CFLAR: variants seen among roughly 807,000 people sequenced by gnomAD.
CFLAR encodes CASP8 and FADD like apoptosis regulator.
Under a neutral mutation model 51.1 loss-of-function variants are expected in CFLAR, and 14 were observed. The ratio of observed to expected loss-of-function variants is 0.27; its 90% CI spans 0.18 to 0.43. The LOEUF (loss-of-function observed/expected upper bound fraction) is 0.43, where lower values mean the gene tolerates loss of function less well. Among genes scored for constraint, CFLAR ranks in the 20% least tolerant of loss-of-function variants. The pLI is 1.00. For missense variants in CFLAR, 390 were observed against 566.5 expected (o/e 0.69, Z 3.16); for synonymous variants, 210 against 211.6 (o/e 0.99, Z 0.06).
At chr2:201,149,563 G>A (rs1940894921) in intron 7 of CFLAR, 191 bp from the exon 8 acceptor site, 3 of 482,852 alleles carry the variant, frequency 6.2e-6, no homozygotes, top group Admixed American at 3.6e-5. Flanking sequence ...TTTGTCTTAA[G>A]CACATTACCC....
rs930651110 is a variant in CFLAR at position 201,166,683 on chromosome 2, C to T, written c.*2710C>T. 8 of 174,588 alleles carry T rather than the reference C, an allele frequency of 4.6e-5. No individual in the cohort carries two copies. The highest frequency in any genetic ancestry group is 8.3e-5 in the Non-Finnish European group (7 of 84,410). 10.8% of individuals were successfully genotyped at this position (174,588 alleles called of 1,614,324 possible). A position where few individuals can be genotyped will look rare whatever the true frequency, so the allele number is the denominator to read the frequency against. The stretch of plus-strand genomic sequence containing the variant: ...GCACTCCAGCCTGGGCAACATTGAG[C>T]ACTGAGTGGACGAGACTCTGCCCGC... On this transcript the variant is annotated 3_prime_UTR_variant, in exon 10 of 10. Transcript: ENST00000309955.
At chr2:201,161,872 G>A (rs1262342061) in intron 9 of CFLAR, among the ~76,000 whole-genome samples, 4 of 149,228 alleles carry the variant, frequency 2.7e-5, no homozygotes, top group South Asian at 2.1e-4. Flanking sequence ...TCAGCTTCCC[G>A]AGTAGCTGGG....
At position 201,118,036 on chromosome 2, in the gene CFLAR, T is replaced by C. The variant is rs2047791804; in HGVS notation, c.-138+1555T>C. On this transcript the variant is annotated intron_variant, in intron 1 of 9. Coordinates refer to ENST00000309955, the MANE Select transcript of CFLAR (RefSeq NM_003879.7). The surrounding 1 kb of genome is among the most constrained non-coding windows in gnomAD (Gnocchi z 5.1). The stretch of plus-strand genomic sequence containing the variant: ...TCCCAAAGTGCTGGGATTACAGGCG[T>C]GAGCCACCATGCCCGGCCCAACTCC... Among the ~76,000 whole-genome samples, 1 of 152,172 alleles carries C rather than the reference T, an allele frequency of 6.6e-6. No homozygotes were observed. Among genetic ancestry groups the C allele is most frequent in the African/African-American group, 2.4e-5 (1 of 41,440 alleles).
At chr2:201,140,606 A>G (rs1010925135) in intron 5 of CFLAR, 167 bp downstream of exon 5, 2 of 561,318 alleles carry the variant, frequency 3.6e-6, no homozygotes, top group Non-Finnish European at 6.2e-6. Context: ...CAAAGCTAAT[A>G]CATGTTCATT....
At chr2:201,159,459 G>A (rs1459010191) in intron 8 of CFLAR, among the ~76,000 whole-genome samples, 1 of 151,812 alleles carries the variant, frequency 6.6e-6, no homozygotes, top group Non-Finnish European at 1.5e-5. Flanking sequence ...ACAGGTGCGT[G>A]CCACTACACC....
intron 1 of CFLAR, among the ~76,000 whole-genome samples, chr2:201,125,470 A>G (rs2125629396): frequency 6.6e-6 from 1 of 151,986 alleles, no homozygotes; most frequent in Non-Finnish European, 1.5e-5. Context: ...CCGTCTCTGG[A>G]GGTAGAGAGG....
rs1034346773 is a variant in CFLAR, at chr2:201,173,568, C to G, written c.*9595C>G. On this transcript the variant is annotated 3_prime_UTR_variant, in exon 10 of 10. Coordinates refer to ENST00000309955, the MANE Select transcript of CFLAR (RefSeq NM_003879.7). ...TGTTGGCCAGGCTGGTCTCGAACTC[C>G]TGGCCTCAGGTGATCTGACTGCCTT... The G allele has an allele frequency of 1.3e-5, 2 of 152,220 alleles. No homozygotes were observed. The highest frequency in any genetic ancestry group is 4.8e-5 in the African/African-American group (2 of 41,426). 9.4% of individuals were successfully genotyped at this position (152,220 alleles called of 1,614,324 possible). A position where few individuals can be genotyped will look rare whatever the true frequency, so the allele number is the denominator to read the frequency against.
chr2:201,136,411 T>G (rs780295167), intron 4 of CFLAR: 1 of 1,598,356 alleles, frequency 6.3e-7, no homozygotes, highest in South Asian at 1.1e-5. Flanking sequence ...CATTCAGGGG[T>G]TTTGCATGTA....
rs998528143 is a variant in CFLAR at position 201,169,064 on chromosome 2, C to G, written c.*5091C>G. 1 of 152,082 alleles carries G rather than the reference C, an allele frequency of 6.6e-6. No homozygotes were observed. Among genetic ancestry groups the G allele is most frequent in the Non-Finnish European group, 1.5e-5 (1 of 68,024 alleles). The allele number at this position is 152,082 out of a possible 1,614,324, so 9.4% of individuals were successfully genotyped here. Reference sequence around the variant, plus strand: ...AGTAATTTATAGGTTCATTGCTATTCCCATTAAACTACTATTGACATTCTT... The same window carrying G: ...AGTAATTTATAGGTTCATTGCTATTGCCATTAAACTACTATTGACATTCTT... On this transcript the variant is annotated 3_prime_UTR_variant, in exon 10 of 10. Transcript: ENST00000309955.
At chr2:201,128,793 A>T (rs2048948838) in intron 1 of CFLAR, among the ~76,000 whole-genome samples, 1 of 152,252 alleles carries the variant, frequency 6.6e-6, no homozygotes, top group African/African-American at 2.4e-5. Flanking sequence ...ATTTAACATA[A>T]GTTTTAGCTG....
intron 8 of CFLAR, chr2:201,151,171 T>C (rs1398832316): frequency 1.3e-5 from 2 of 152,228 alleles, no homozygotes; most frequent in Non-Finnish European, 2.9e-5. Context: ...CCTCAGTCTC[T>C]TCTATCTGCG....
chr2:201,134,495 C>T (rs2049823864), intron 3 of CFLAR, among the ~76,000 whole-genome samples: 1 of 150,774 alleles, frequency 6.6e-6, no homozygotes, highest in Admixed American at 6.6e-5. Context: ...ATTAGCTGGG[C>T]GTAGTGGTGG....
Position 201,165,500 on chromosome 2 carries a change from G to C in CFLAR, c.*1527G>C, listed in dbSNP as rs1943448740. 1 of 152,222 alleles carries C rather than the reference G, an allele frequency of 6.6e-6. No homozygotes were observed. The highest frequency in any genetic ancestry group is 1.5e-5 in the Non-Finnish European group (1 of 68,200). The allele number at this position is 152,222 out of a possible 1,614,324, so 9.4% of individuals were successfully genotyped here. A position where few individuals can be genotyped will look rare whatever the true frequency, so the allele number is the denominator to read the frequency against. On this transcript the variant is annotated 3_prime_UTR_variant, in exon 10 of 10. Coordinates refer to ENST00000309955, the MANE Select transcript of CFLAR (RefSeq NM_003879.7). ...TTGGCCAGCGTGGTCTTGAACTCCT[G>C]ACCTCAGGTGATTCACCAGCCTCGG... is the stretch of plus-strand genomic sequence containing the variant.
chr2:201,117,324 G>A (rs1321079454), intron 1 of CFLAR, among the ~76,000 whole-genome samples: 1 of 152,190 alleles, frequency 6.6e-6, no homozygotes, highest in African/African-American at 2.4e-5. Flanking sequence ...CTGGCTTCAA[G>A]ATGTTCTTGC....
chr2:201,155,647 A>G (rs2125897986), intron 8 of CFLAR, among the ~76,000 whole-genome samples: 1 of 152,008 alleles, frequency 6.6e-6, no homozygotes, highest in African/African-American at 2.4e-5. Flanking sequence ...TTTTTGAGAC[A>G]GGGTCTTGCT....
rs11883524 is a variant in CFLAR at position 201,128,276 on chromosome 2, C to T, written c.-137-1453C>T. On this transcript the variant is annotated intron_variant, in intron 1 of 9. Transcript: ENST00000309955. ...ATGAGATTAAAGCACTGTTGGCCTG[C>T]GAGTGGAGTATAGATTTGGGCTGTC... 2.3e-3 allele frequency among the ~76,000 whole-genome samples: 352 copies of T among 152,038 alleles called. 1 individual carries two copies. The highest frequency in any genetic ancestry group is 7.8e-3 in the African/African-American group (323 of 41,448).
rs1229290825 is a variant in CFLAR, at chr2:201,133,705, T to A, written c.387+571T>A. ...CAGCACTTTGGGGGGCCAAGGTGGGTGGATCACGAGGTCAGGAGATCGAGA... is the reference window on the plus strand; with the variant it reads ...CAGCACTTTGGGGGGCCAAGGTGGGAGGATCACGAGGTCAGGAGATCGAGA... On this transcript the variant is annotated intron_variant, in intron 3 of 9. Transcript: ENST00000309955. Among the ~76,000 whole-genome samples the A allele has an allele frequency of 5.3e-5, 8 of 151,006 alleles. No homozygotes were observed. The East Asian group carries it at 1.6e-3, about 30-fold the overall frequency.
chr2:201,161,465 G>A (rs1353627125), intron 9 of CFLAR, among the ~76,000 whole-genome samples: 1 of 150,542 alleles, frequency 6.6e-6, no homozygotes, highest in Non-Finnish European at 1.5e-5. Flanking sequence ...CCAGGCTGGA[G>A]TGCATTGGCG....
chr2:201,126,494 C>T (rs2048730041), intron 1 of CFLAR, among the ~76,000 whole-genome samples: 2 of 152,170 alleles, frequency 1.3e-5, no homozygotes, highest in Admixed American at 6.5e-5. Context: ...GTCTGGCTCT[C>T]TTAGCTAAGG....
Sources: allele counts gnomAD v4.1 joint callset (sites outside exome capture counted in the v4.1 genomes callset), GRCh38; gene constraint gnomAD v4.1.1; non-coding constraint Gnocchi (gnomAD v3.1); transcripts MANE v1.5; gene names NCBI Gene and HGNC (gene_info 2026-07-23, HGNC 2026-07-21).